The following EFNA5 variants were observed in gnomAD, a reference collection of about 807,000 sequenced individuals.
The protein encoded by EFNA5 is ephrin A5, also known as ephrin-A5.
Under a neutral mutation model 22.9 loss-of-function variants are expected in EFNA5, and 5 were observed. The observed-to-expected ratio is 0.22, with a 90% CI of 0.11 to 0.46. The LOEUF (loss-of-function observed/expected upper bound fraction) is 0.46. Among genes scored for constraint, EFNA5 ranks in the 20% least tolerant of loss-of-function variants. EFNA5 has a pLI of 0.99. For missense variants in EFNA5, 237 were observed against 293.3 expected (o/e 0.81, Z 1.40); for synonymous variants, 113 against 112.2 (o/e 1.01, Z -0.04).
chr5:107,642,562 A>G (rs948501910), intron 1 of EFNA5, among the ~76,000 whole-genome samples: 1 of 152,150 alleles, frequency 6.6e-6, no homozygotes, highest in Admixed American at 6.5e-5. Flanking sequence ...AGTGAGTTCT[A>G]AAATATTTCA....
At chr5:107,542,850 G>A (rs546241386) in intron 1 of EFNA5, among the ~76,000 whole-genome samples, 89 of 152,302 alleles carry the variant, frequency 5.8e-4, no homozygotes, top group Non-Finnish European at 7.9e-4. Flanking sequence ...CTAAAAGGAA[G>A]TAAACAGGCT....
chr5:107,387,211 A>G (rs1267017116), intron 4 of EFNA5, 24 bp downstream of exon 4: 1 of 1,527,398 alleles, frequency 6.5e-7, no homozygotes, highest in Non-Finnish European at 9.0e-7. Context: ...CATTTGTTAA[A>G]AGAGATTCTC....
intron 1 of EFNA5, among the ~76,000 whole-genome samples, chr5:107,498,351 T>C (rs917040256): frequency 6.6e-6 from 1 of 152,240 alleles, no homozygotes; most frequent in Non-Finnish European, 1.5e-5. Flanking sequence ...ACTAGGGCAG[T>C]GGAAACACTA....
chr5:107,404,729 C>G (rs1748165180), intron 2 of EFNA5, among the ~76,000 whole-genome samples: 1 of 152,158 alleles, frequency 6.6e-6, no homozygotes, highest in East Asian at 1.9e-4. Context: ...ATAAATCATA[C>G]TTTTCTTCCT....
In EFNA5 at chr5:107,549,617, T is replaced by A. The variant is rs556161602; in HGVS notation, c.125+120872A>T. On this transcript the variant is annotated intron_variant, in intron 1 of 4. Transcript: ENST00000333274. ...CACATCTTTCTCTATCTCACAGTCA[T>A]CAAATTCAATCTCTTCAGCTCTCAT... Among the ~76,000 whole-genome samples the A allele has an allele frequency of 1.2e-4, 18 of 152,326 alleles. 1 individual carries two copies. The South Asian group carries it at 2.5e-3, about 21-fold the overall frequency.
chr5:107,576,800 CTCCTCCCTTT>C (rs1293869453), intron 1 of EFNA5, among the ~76,000 whole-genome samples: 25 of 152,276 alleles, frequency 1.6e-4, no homozygotes, highest in Middle Eastern at 3.4e-3. Context: ...AATACTAAGC[CTCCTCCCTTT>C]AGAATCTCAG....
At chr5:107,591,976 A>AAT (rs1749363086) in intron 1 of EFNA5, among the ~76,000 whole-genome samples, 1 of 20,958 alleles carries the variant, frequency 4.8e-5, no homozygotes, top group African/African-American at 4.0e-4. Flanking sequence ...TAATATATAT[A>AAT]ATATATAATA....
At chr5:107,664,462 A>G (rs1440474364) in intron 1 of EFNA5, among the ~76,000 whole-genome samples, 1 of 152,192 alleles carries the variant, frequency 6.6e-6, no homozygotes, top group East Asian at 1.9e-4. Flanking sequence ...ACTTTTCTAC[A>G]AAACAGCTCA....
chr5:107,545,342 T>A (rs187578595), intron 1 of EFNA5, among the ~76,000 whole-genome samples: 3 of 152,328 alleles, frequency 2.0e-5, no homozygotes, highest in East Asian at 3.9e-4. Flanking sequence ...ATATTGAGTA[T>A]GAAATTGGTT....
At chr5:107,437,737 A>C (rs1749153883) in intron 1 of EFNA5, among the ~76,000 whole-genome samples, 1 of 152,198 alleles carries the variant, frequency 6.6e-6, no homozygotes, top group African/African-American at 2.4e-5. Context: ...GATGCTTAAA[A>C]ACAGAAGAAC....
At chr5:107,475,429 T>C (rs1475734687) in intron 1 of EFNA5, among the ~76,000 whole-genome samples, 1 of 152,130 alleles carries the variant, frequency 6.6e-6, no homozygotes, top group African/African-American at 2.4e-5. Context: ...CTGCAAAAGG[T>C]TTTGGGAGAG....
intron 1 of EFNA5, among the ~76,000 whole-genome samples, chr5:107,481,145 C>G (rs1750448607): frequency 6.6e-6 from 1 of 152,134 alleles, no homozygotes; most frequent in South Asian, 2.1e-4. Flanking sequence ...TGCTGACAGG[C>G]AAAAGCCAGA....
At chr5:107,392,498 A>T (rs1234064254) in intron 2 of EFNA5, among the ~76,000 whole-genome samples, 1 of 152,210 alleles carries the variant, frequency 6.6e-6, no homozygotes, top group Non-Finnish European at 1.5e-5. Flanking sequence ...ATTGGCTAAC[A>T]ATCGGGTGAG....
intron 1 of EFNA5, among the ~76,000 whole-genome samples, chr5:107,496,208 G>A (rs1472310244): frequency 2.7e-5 from 4 of 149,904 alleles, no homozygotes; most frequent in African/African-American, 9.8e-5. Flanking sequence ...AGCTGGGCGT[G>A]GTGGCAGGCA....
At chr5:107,609,552 TC>T (rs990541419) in intron 1 of EFNA5, among the ~76,000 whole-genome samples, 9 of 152,102 alleles carry the variant, frequency 5.9e-5, no homozygotes, top group Non-Finnish European at 7.4e-5. Flanking sequence ...CCAATGCTGA[TC>T]CATGCAAAAA....
At chr5:107,417,304 A>G (rs985777281) in intron 2 of EFNA5, among the ~76,000 whole-genome samples, 1 of 152,182 alleles carries the variant, frequency 6.6e-6, no homozygotes, top group Non-Finnish European at 1.5e-5. Context: ...CCAATTCATG[A>G]TATTTTACTT....
chr5:107,516,230 G>A (rs1747477512), intron 1 of EFNA5, among the ~76,000 whole-genome samples: 1 of 141,778 alleles, frequency 7.1e-6, no homozygotes, highest in Non-Finnish European at 1.6e-5. Flanking sequence ...GGACAGACGA[G>A]TTTACACTAT....
intron 1 of EFNA5, among the ~76,000 whole-genome samples, chr5:107,466,657 T>C (rs1374612853): frequency 2.0e-5 from 3 of 152,196 alleles, no homozygotes; most frequent in Non-Finnish European, 4.4e-5. Flanking sequence ...TCAGATCTCC[T>C]GTTTGTACAC....
At chr5:107,409,589 C>G (rs1443014076) in intron 2 of EFNA5, among the ~76,000 whole-genome samples, 1 of 152,136 alleles carries the variant, frequency 6.6e-6, no homozygotes, top group African/African-American at 2.4e-5. Flanking sequence ...TAGCCCCCAG[C>G]TTAGTCATAA....
Sources: allele counts gnomAD v4.1 joint callset (sites outside exome capture counted in the v4.1 genomes callset), GRCh38; gene constraint gnomAD v4.1.1; transcripts MANE v1.5; gene names NCBI Gene and HGNC (gene_info 2026-07-23, HGNC 2026-07-21).